The following DCDC1 variants were observed in gnomAD, a reference collection of about 807,000 sequenced individuals.
DCDC1 encodes doublecortin domain-containing protein 1.
Under a neutral mutation model 178.3 loss-of-function variants are expected in DCDC1, and 200 were observed. The observed-to-expected ratio is 1.12, with a 90% CI of 1.00 to 1.26. The LOEUF is 1.26. Ranked by LOEUF, DCDC1 falls within the 50% of genes most tolerant of loss-of-function variation. The probability of loss-of-function intolerance (pLI) is 0.00; values close to 1 mark genes in which losing one functional copy is unlikely to be tolerated. For missense variants in DCDC1, 1,983 were observed against 1,749.2 expected (o/e 1.13, Z -2.38); for synonymous variants, 690 against 604.8 (o/e 1.14, Z -2.07).
At chr11:31,167,481 A>C (rs1178894626) in intron 9 of DCDC1, among the ~76,000 whole-genome samples, 1 of 152,052 alleles carries the variant, frequency 6.6e-6, no homozygotes, top group Non-Finnish European at 1.5e-5. Flanking sequence ...CTCAGATTAC[A>C]CCTTTCTTTT....
At chr11:31,146,097 G>A (rs905364559) in intron 9 of DCDC1, among the ~76,000 whole-genome samples, 1 of 149,010 alleles carries the variant, frequency 6.7e-6, no homozygotes, top group African/African-American at 2.5e-5. Flanking sequence ...TTTTGAGAAG[G>A]AGTCTCGCTC....
rs1311633572 is a variant in DCDC1 at position 31,310,655 on chromosome 11, A to G, written c.165-2747T>C. On this transcript the variant is annotated intron_variant, in intron 3 of 38. Transcript: ENST00000684477. ...AAACTCATCTTTCTTATAACAATTG[A>G]TAGGTGTTTCATAGCTTGTTAGGTG... is the stretch of plus-strand genomic sequence containing the variant. 9.2e-5 allele frequency among the ~76,000 whole-genome samples: 14 copies of G among 151,970 alleles called. 1 individual carries two copies. Among genetic ancestry groups the G allele is most frequent in the Non-Finnish European group, 2.9e-5 (2 of 68,000 alleles).
Position 31,345,324 on chromosome 11 carries a change from C to T in DCDC1, c.-124-9760G>A, listed in dbSNP as rs927366991. ...AAGAAGAGCTTGTTAATGTTTTTAA[C>T]GTTTTAAAATCTCTATAGAATTCAG... On this transcript the variant is annotated intron_variant, in intron 1 of 38. Coordinates refer to ENST00000684477, the MANE Select transcript of DCDC1 (RefSeq NM_001387274.1). Among the ~76,000 whole-genome samples, 22 of 152,182 alleles carry T rather than the reference C, an allele frequency of 1.4e-4. No individual in the cohort carries two copies. The East Asian group carries it at 4.1e-3, about 28-fold the overall frequency.
chr11:31,297,361 T>C (rs188660415), intron 6 of DCDC1, among the ~76,000 whole-genome samples: 62 of 151,904 alleles, frequency 4.1e-4, no homozygotes, highest in Non-Finnish European at 6.8e-4. Flanking sequence ...CTAGCCATTT[T>C]TTTTTTAATT....
intron 27 of DCDC1, among the ~76,000 whole-genome samples, chr11:30,912,135 T>C (rs1945488131): frequency 6.6e-6 from 1 of 152,190 alleles, no homozygotes; most frequent in Non-Finnish European, 1.5e-5. Flanking sequence ...CTGTGCCATA[T>C]GATGACCTGT....
At chr11:31,223,752 TGTATA>T (rs749243664) in intron 9 of DCDC1, among the ~76,000 whole-genome samples, 1 of 152,164 alleles carries the variant, frequency 6.6e-6, no homozygotes, top group African/African-American at 2.4e-5. Context: ...CAGAGTGACA[TGTATA>T]GTATATCATT....
At chr11:31,279,210 TG>T (rs1386049841) in intron 7 of DCDC1, among the ~76,000 whole-genome samples, 5 of 152,168 alleles carry the variant, frequency 3.3e-5, no homozygotes, top group Admixed American at 1.3e-4. Context: ...GTTTGAGTGT[TG>T]TGGTATTGGA....
In DCDC1 at chr11:30,934,773, G is replaced by T. The variant is rs190546880; in HGVS notation, c.2716-2821C>A. Among the ~76,000 whole-genome samples, 124 of 152,316 alleles carry T rather than the reference G, an allele frequency of 8.1e-4. 1 individual carries two copies. Among genetic ancestry groups the T allele is most frequent in the Non-Finnish European group, 1.6e-3 (109 of 68,030 alleles). ...CTGGGGTCGTCCTGCAGCAACACAT[G>T]TAACAGTTACTCTTGTTGAGGGCTT... On this transcript the variant is annotated intron_variant, in intron 21 of 38. Coordinates refer to ENST00000684477, the MANE Select transcript of DCDC1 (RefSeq NM_001387274.1).
rs189645457 is a variant in DCDC1 at position 31,086,775 on chromosome 11, T to C, written c.2237+4618A>G. On this transcript the variant is annotated intron_variant, in intron 17 of 38. Coordinates refer to ENST00000684477, the MANE Select transcript of DCDC1 (RefSeq NM_001387274.1). ...ACCCCACTTGTTCATGATACATCTT[T>C]TTATAAATTGTTGTATTCCATTTGC... Among the ~76,000 whole-genome samples, 55 of 152,314 alleles carry C rather than the reference T, an allele frequency of 3.6e-4. No individual in the cohort carries two copies. In the East Asian group the frequency reaches 0.01, roughly 28 times the overall value.
At chr11:31,353,039 AAC>A (rs778320452) in intron 1 of DCDC1, among the ~76,000 whole-genome samples, 7 of 152,206 alleles carry the variant, frequency 4.6e-5, no homozygotes, top group Non-Finnish European at 1.0e-4. Context: ...AAACACACAC[AAC>A]ACACATTCAT....
intron 9 of DCDC1, among the ~76,000 whole-genome samples, chr11:31,164,584 T>C (rs1023319677): frequency 1.3e-5 from 2 of 151,946 alleles, no homozygotes; most frequent in Admixed American, 6.6e-5. Context: ...AAATTAAAAA[T>C]AGAAAAAAGT....
intron 3 of DCDC1, among the ~76,000 whole-genome samples, chr11:31,309,303 A>G (rs977670701): frequency 5.9e-5 from 9 of 152,144 alleles, no homozygotes; most frequent in Non-Finnish European, 1.2e-4. Flanking sequence ...TGGGGAGAGG[A>G]GCAGCCTTCC....
chr11:30,954,306 C>T (rs1438250863), intron 20 of DCDC1, among the ~76,000 whole-genome samples: 4 of 152,122 alleles, frequency 2.6e-5, no homozygotes, highest in Non-Finnish European at 4.4e-5. Flanking sequence ...TGAGCCACCA[C>T]GCCCAGCCTA....
At position 31,004,257 on chromosome 11, in the gene DCDC1, CTT is replaced by C. The variant is rs1362504737; in HGVS notation, c.2592-51691_2592-51690del. Among the ~76,000 whole-genome samples, 4 of 152,146 alleles carry C rather than the reference CTT, an allele frequency of 2.6e-5. No individual in the cohort carries two copies. The East Asian group carries it at 7.7e-4, about 29-fold the overall frequency. On this transcript the variant is annotated intron_variant, in intron 20 of 38. Coordinates refer to ENST00000684477, the MANE Select transcript of DCDC1 (RefSeq NM_001387274.1). The stretch of plus-strand genomic sequence containing the variant: ...TTTATTGTCAAATAGTGTACAAACA[CTT>C]TTCAATTATTGGACAATTTATGTTC...
At chr11:31,264,247 G>A (rs1294349400) in intron 8 of DCDC1, among the ~76,000 whole-genome samples, 2 of 152,164 alleles carry the variant, frequency 1.3e-5, no homozygotes, top group Non-Finnish European at 2.9e-5. Context: ...ATGTAGGAGA[G>A]TGATATAGGA....
intron 20 of DCDC1, among the ~76,000 whole-genome samples, chr11:30,956,702 T>G (rs923236862): frequency 2.6e-5 from 4 of 152,178 alleles, no homozygotes; most frequent in Non-Finnish European, 5.9e-5. Context: ...GTGGGTAGGT[T>G]ATCTTAACTA....
intron 28 of DCDC1, 70 bp downstream of exon 28, chr11:30,911,257 A>G: frequency 7.6e-7 from 1 of 1,317,904 alleles, no homozygotes; most frequent in East Asian, 2.5e-5. Flanking sequence ...CCTCCACTAC[A>G]AGGAAGCACA....
chr11:31,225,446 A>C (rs968856815), intron 9 of DCDC1, among the ~76,000 whole-genome samples: 2 of 151,918 alleles, frequency 1.3e-5, no homozygotes, highest in East Asian at 3.9e-4. Flanking sequence ...CAGGTGCATC[A>C]AAATCTCAGA....
intron 9 of DCDC1, among the ~76,000 whole-genome samples, chr11:31,206,707 G>A (rs930302215): frequency 1.3e-5 from 2 of 152,000 alleles, no homozygotes; most frequent in Non-Finnish European, 2.9e-5. Context: ...GAGCCACCGC[G>A]CCTGGCCCAG....
Sources: allele counts gnomAD v4.1 joint callset (sites outside exome capture counted in the v4.1 genomes callset), GRCh38; gene constraint gnomAD v4.1.1; transcripts MANE v1.5; gene names NCBI Gene and HGNC (gene_info 2026-07-23, HGNC 2026-07-21).